The following NAA25 variants were observed in gnomAD, a reference collection of about 807,000 sequenced individuals.
NAA25 encodes the protein N-terminal acetyltransferase B complex subunit NAA25.
A neutral mutation model predicts 132.5 loss-of-function variants in NAA25; 30 were observed. The observed-to-expected ratio is 0.23, with a 90% CI of 0.17 to 0.31. The LOEUF (loss-of-function observed/expected upper bound fraction) is 0.31. NAA25 is among the 10% of genes least tolerant of loss of function. The pLI, the probability that NAA25 is intolerant of heterozygous loss-of-function variation, is 1.00. For synonymous variants in NAA25, 359 were observed against 401.9 expected (o/e 0.89, Z 1.28); for missense variants, 771 against 1,150.4 (o/e 0.67, Z 4.77).
Position 112,061,222 on chromosome 12 carries a change from A to C in NAA25, c.1316T>G (p.Val439Gly), listed in dbSNP as rs1220328608. The C allele has an allele frequency of 6.2e-7, 1 of 1,613,878 alleles. No homozygotes were observed. Among genetic ancestry groups the C allele is most frequent in the Non-Finnish European group, 8.5e-7 (1 of 1,180,008 alleles). The change falls in exon 12 of 24, where the codon GTC becomes GGC. Residue 439 changes from valine (V) to glycine (G), a missense_variant. By Grantham distance (109) the Val-to-Gly change is moderately radical. Coordinates refer to ENST00000261745, the MANE Select transcript of NAA25 (RefSeq NM_024953.4). ...CTGGTACCTTAACATCAATTCTCTG[A>C]CCACACTCAATTTCTGATTTTTATC... ...TMDKNQKLSV[V>G]RELMLRYQHG...
chr12:112,080,006 C>T (rs1330758820), intron 5 of NAA25, among the ~76,000 whole-genome samples: 1 of 152,026 alleles, frequency 6.6e-6, no homozygotes, highest in African/African-American at 2.4e-5. Flanking sequence ...AAGGGCCAGG[C>T]GCGGTGGCTC....
At chr12:112,104,835 CA>C (rs71083201) in intron 1 of NAA25, among the ~76,000 whole-genome samples, 12 of 138,816 alleles carry the variant, frequency 8.6e-5, no homozygotes, top group African/African-American at 1.3e-4. Flanking sequence ...GACTCCATCT[CA>C]AAAAAAAAAA....
At chr12:112,045,353 C>T (rs987090861) in intron 17 of NAA25, among the ~76,000 whole-genome samples, 4 of 151,936 alleles carry the variant, frequency 2.6e-5, no homozygotes, top group African/African-American at 7.3e-5. Flanking sequence ...ATTAGCCGGC[C>T]GTGGTGGCAC....
intron 1 of NAA25, among the ~76,000 whole-genome samples, chr12:112,108,350 A>G (rs942369166): frequency 2.6e-5 from 4 of 152,132 alleles, no homozygotes; most frequent in Admixed American, 2.6e-4. Context: ...AGGGCGTCCC[A>G]CCCTCGTGCC....
chr12:112,029,793 T>G, intron 23 of NAA25, 140 bp from the exon 24 acceptor site: 2 of 1,221,854 alleles, frequency 1.6e-6, no homozygotes, highest in Non-Finnish European at 2.2e-6. Flanking sequence ...CATTTTCAAT[T>G]GCATAAAATG....
chr12:112,091,011 T>C lies in NAA25; in HGVS notation c.145-147A>G, dbSNP rs566010266. The C allele has an allele frequency of 1.7e-5, 12 of 723,754 alleles. No homozygotes were observed. The African/African-American group carries it at 1.8e-4, about 11-fold the overall frequency. 44.8% of individuals were successfully genotyped at this position (723,754 alleles called of 1,614,324 possible). ...GGCTGGGTGCGGCGGCTCACATCTGTAATCCCGGCACTTTGGGAGGCCAAG... is the reference window on the plus strand; with the variant it reads ...GGCTGGGTGCGGCGGCTCACATCTGCAATCCCGGCACTTTGGGAGGCCAAG... On this transcript the variant is annotated intron_variant, in intron 2 of 23. Coordinates refer to ENST00000261745, the MANE Select transcript of NAA25 (RefSeq NM_024953.4).
chr12:112,104,128 G>A lies in NAA25; in HGVS notation c.58+4588C>T, dbSNP rs551059278. 6.6e-5 allele frequency among the ~76,000 whole-genome samples: 10 copies of A among 152,242 alleles called. No homozygotes were observed. The East Asian group carries it at 7.7e-4, about 12-fold the overall frequency. ...CTCAGCAAAGAAGTGACTGTCACCC[G>A]GGAGACACACTGGAAAATATCTTAC... is the stretch of plus-strand genomic sequence containing the variant. On this transcript the variant is annotated intron_variant, in intron 1 of 23. Coordinates refer to ENST00000261745, the MANE Select transcript of NAA25 (RefSeq NM_024953.4).
Position 112,075,791 on chromosome 12 carries a change from TA to T in NAA25, c.665-3del. 1 of 1,612,554 alleles carries T rather than the reference TA, an allele frequency of 6.2e-7. No homozygotes were observed. The highest frequency in any genetic ancestry group is 8.5e-7 in the Non-Finnish European group (1 of 1,178,622). ...TCTGAATCTCACTTGTCAACTTCTCTAAAATCAAAAGTTATAAAAGTTGGTA... is the reference window on the plus strand; with the variant it reads ...TCTGAATCTCACTTGTCAACTTCTCTAAATCAAAAGTTATAAAAGTTGGTA... On this transcript the variant is annotated splice_region_variant and splice_polypyrimidine_tract_variant and intron_variant, in intron 7 of 23. Coordinates refer to ENST00000261745, the MANE Select transcript of NAA25 (RefSeq NM_024953.4).
At chr12:112,054,855 A>C (rs1040724837) in intron 13 of NAA25, among the ~76,000 whole-genome samples, 13 of 152,180 alleles carry the variant, frequency 8.5e-5, no homozygotes, top group African/African-American at 2.9e-4. Flanking sequence ...AGAATCTCAG[A>C]TTCTGGGAAG....
At position 112,108,766 on chromosome 12, in the gene NAA25, G is replaced by C. The variant is rs771562906; in HGVS notation, c.8C>G (p.Thr3Arg). 1 of 1,522,678 alleles carries C rather than the reference G, an allele frequency of 6.6e-7. No individual in the cohort carries two copies. Among genetic ancestry groups the C allele is most frequent in the Admixed American group, 2.1e-5 (1 of 48,752 alleles). The allele number at this position is 1,522,678 out of a possible 1,614,324, so 94.3% of individuals were successfully genotyped here. Residue 3 changes from threonine (T) to arginine (R), a missense_variant, in exon 1 of 24, where the codon ACG (threonine) becomes AGG (arginine). Thr to Arg is a moderately conservative substitution (Grantham distance 71, BLOSUM62 -1). Around this residue, in one of 3 missense-constraint regions of NAA25, gnomAD observed 30 missense variants for 16.6 expected, o/e 1.81. Coordinates refer to ENST00000261745, the MANE Select transcript of NAA25 (RefSeq NM_024953.4). ...GTTAGGGTCCTGCACATGGCCCCGC[G>C]TCGCCATGATGACAAGCGCAGAACC... Reference protein sequence around the residue: MATRGHVQDPNDR... With the variant: MARRGHVQDPNDR...
chr12:112,066,610 T>C (rs1265625359), intron 11 of NAA25, among the ~76,000 whole-genome samples: 2 of 152,194 alleles, frequency 1.3e-5, no homozygotes, highest in African/African-American at 2.4e-5. Flanking sequence ...TTCCCTCTTA[T>C]ATGCTTTTAA....
At chr12:112,098,033 A>T (rs1244282410) in intron 1 of NAA25, among the ~76,000 whole-genome samples, 1 of 149,166 alleles carries the variant, frequency 6.7e-6, no homozygotes, top group Admixed American at 6.8e-5. Flanking sequence ...AGGCCTAAGA[A>T]TCACTTGAAC....
Position 112,061,291 on chromosome 12 carries a change from C to A in NAA25, c.1247G>T (p.Cys416Phe). The change falls in exon 12 of 24, where the codon TGT becomes TTT. Residue 416 changes from cysteine (C) to phenylalanine (F), a missense_variant. By Grantham distance (205) the Cys-to-Phe change is radical (BLOSUM62 -2). Transcript: ENST00000261745. Reference protein sequence around the residue: ...ADIRALQQHLCVVQLTRLLGL... With the variant: ...ADIRALQQHLFVVQLTRLLGL... The stretch of plus-strand genomic sequence containing the variant: ...AAGTAACCTCGTCAGCTGCACCACA[C>A]ACAAATGTTGCTGCAGAGCTCTGAT... 6.2e-7 allele frequency: 1 copy of A among 1,614,136 alleles called. No individual in the cohort carries two copies.
At chr12:112,093,937 G>A (rs1429311209) in intron 1 of NAA25, among the ~76,000 whole-genome samples, 1 of 151,372 alleles carries the variant, frequency 6.6e-6, no homozygotes, top group Admixed American at 6.6e-5. Context: ...AAACATTATG[G>A]ATCTAATTTT....
chr12:112,046,426 A>G lies in NAA25; in HGVS notation c.2006+1239T>C, dbSNP rs567230355. ...TCACTGTAATAAACCTTAGCCGTTGAGTGCAACTATATGCTCAGCCCTGTG... is the reference window on the plus strand; with the variant it reads ...TCACTGTAATAAACCTTAGCCGTTGGGTGCAACTATATGCTCAGCCCTGTG... On this transcript the variant is annotated intron_variant, in intron 17 of 23. Coordinates refer to ENST00000261745, the MANE Select transcript of NAA25 (RefSeq NM_024953.4). Among the ~76,000 whole-genome samples, 11 of 152,324 alleles carry G rather than the reference A, an allele frequency of 7.2e-5. No individual in the cohort carries two copies. In the South Asian group the frequency reaches 1.4e-3, roughly 20 times the overall value.
chr12:112,107,792 C>T (rs1217272417), intron 1 of NAA25, among the ~76,000 whole-genome samples: 2 of 152,124 alleles, frequency 1.3e-5, no homozygotes, highest in Non-Finnish European at 2.9e-5. Flanking sequence ...GACCATAAAA[C>T]CATCTAAGAG....
rs1027565852 is a variant in NAA25 at position 112,073,356 on chromosome 12, C to T, written c.867-1292G>A. On this transcript the variant is annotated intron_variant, in intron 9 of 23. Transcript: ENST00000261745. ...TGAAAACTGAGAAAAATTAGGTAAC[C>T]TAGTTAATATTACGAAGCAAGCATC... Among the ~76,000 whole-genome samples the T allele has an allele frequency of 4.6e-5, 7 of 152,138 alleles. No individual in the cohort carries two copies. In the Middle Eastern group the frequency reaches 0.01, roughly 222 times the overall value.
chr12:112,061,116 A>G, intron 12 of NAA25, 65 bp downstream of exon 12: 1 of 1,428,306 alleles, frequency 7.0e-7, no homozygotes, highest in Non-Finnish European at 9.7e-7. Flanking sequence ...CAGGTGCTTA[A>G]AAAACTGCCT....
intron 17 of NAA25, among the ~76,000 whole-genome samples, chr12:112,044,222 C>T (rs937421604): frequency 1.3e-5 from 2 of 151,560 alleles, no homozygotes; most frequent in Non-Finnish European, 2.9e-5. Context: ...TCAGCTACCG[C>T]GCCTGGCCTC....
Sources: gnomAD v4.1 joint callset for allele counts (sites outside exome capture counted in the v4.1 genomes callset) on GRCh38, gnomAD v4.1.1 for gene constraint, gnomAD v4.1.1 regional missense constraint, MANE v1.5 for transcripts, NCBI Gene and HGNC (gene_info 2026-07-23, HGNC 2026-07-21) for gene names.